The following SDHD variants were observed in gnomAD, a reference collection of about 807,000 sequenced individuals.
The protein encoded by SDHD is succinate dehydrogenase complex subunit D.
A neutral mutation model predicts 18.7 loss-of-function variants in SDHD; 6 were observed. That is an observed-to-expected ratio of 0.32 (90% CI 0.18 to 0.63). SDHD has a LOEUF of 0.63. SDHD is among the 30% of genes least tolerant of loss of function. The pLI is 0.79. For missense variants in SDHD, 160 were observed against 192.7 expected (o/e 0.83, Z 1.00); for synonymous variants, 56 against 73.9 (o/e 0.76, Z 1.24).
chr11:112,089,045 T>G, intron 3 of SDHD, 34 bp downstream of exon 3: 1 of 1,613,028 alleles, frequency 6.2e-7, no homozygotes, highest in South Asian at 1.1e-5. Context: ...AGTTGTCTGC[T>G]CAGTTTGTTT....
At chr11:112,088,843 T>G in intron 2 of SDHD, 24 bp from the exon 3 acceptor site, 1 of 1,612,058 alleles carries the variant, frequency 6.2e-7, no homozygotes, top group Non-Finnish European at 8.5e-7. Context: ...ACATCAACTT[T>G]TATGAATCTG....
chr11:112,092,968 A>G (rs1224386505), intron 3 of SDHD: 5 of 190,036 alleles, frequency 2.6e-5, no homozygotes, highest in Admixed American at 2.5e-4. Context: ...AAATGCTATG[A>G]CATGGATGAA....
chr11:112,089,943 T>TA (rs1040789968), intron 3 of SDHD, among the ~76,000 whole-genome samples: 211 of 144,614 alleles, frequency 1.5e-3, no homozygotes, highest in Middle Eastern at 3.6e-3. Context: ...TCTTGCCTCT[T>TA]AAAAAAAAAA....
intron 1 of SDHD, 137 bp downstream of exon 1, chr11:112,087,096 T>C: frequency 3.2e-6 from 3 of 932,376 alleles, no homozygotes; most frequent in Non-Finnish European, 5.1e-6. Flanking sequence ...ACCACTGTAG[T>C]CTAGGGGTCC....
At chr11:112,088,479 G>A in intron 2 of SDHD, 2 of 348,030 alleles carry the variant, frequency 5.7e-6, no homozygotes, top group South Asian at 4.6e-5. Context: ...GCCTCCCAAA[G>A]TGCTGGGATT....
chr11:112,090,253 C>T (rs1347325801), intron 3 of SDHD, among the ~76,000 whole-genome samples: 6 of 152,110 alleles, frequency 3.9e-5, no homozygotes, highest in Admixed American at 2.6e-4. Context: ...GGATTACAGG[C>T]GTGCACCACC....
At chr11:112,092,391 TC>T (rs1456728594) in intron 3 of SDHD, among the ~76,000 whole-genome samples, 1 of 152,164 alleles carries the variant, frequency 6.6e-6, no homozygotes, top group Non-Finnish European at 1.5e-5. Context: ...AGTTTCCTCT[TC>T]AGTTGTTGCT....
At chr11:112,092,790 C>T (rs540275312) in intron 3 of SDHD, among the ~76,000 whole-genome samples, 1 of 152,114 alleles carries the variant, frequency 6.6e-6, no homozygotes, top group African/African-American at 2.4e-5. Context: ...GAACTGAAAA[C>T]GTGTCCACGC....
In SDHD at chr11:112,095,521, T is replaced by C. The variant is rs1449766895; in HGVS notation, c.*551T>C. 4.3e-6 allele frequency: 1 copy of C among 235,112 alleles called. No homozygotes were observed. The highest frequency in any genetic ancestry group is 8.4e-6 in the Non-Finnish European group (1 of 119,196). The allele number at this position is 235,112 out of a possible 1,614,324, so 14.6% of individuals were successfully genotyped here. A position where few individuals can be genotyped will look rare whatever the true frequency, so the allele number is the denominator to read the frequency against. On this transcript the variant is annotated 3_prime_UTR_variant, in exon 4 of 4. Transcript: ENST00000375549. The stretch of plus-strand genomic sequence containing the variant: ...GCTCATATTATAAATTTCTAAATCC[T>C]AGGAAGAAACGCTTGGAGTGCTTCT...
intron 1 of SDHD, 129 bp downstream of exon 1, chr11:112,087,088 C>CCCTAGAAT: frequency 9.6e-7 from 1 of 1,037,420 alleles, no homozygotes; most frequent in Non-Finnish European, 1.5e-6. Flanking sequence ...CAGCAATGAC[C>CCCTAGAAT]ACTGTAGTCT....
intron 3 of SDHD, 66 bp downstream of exon 3, chr11:112,089,077 T>C: frequency 6.4e-7 from 1 of 1,571,716 alleles, no homozygotes; most frequent in Middle Eastern, 1.7e-4. Flanking sequence ...GTCTTATGTA[T>C]TATATATGAG....
In SDHD at chr11:112,087,991, C is replaced by G; in HGVS notation, c.169+18C>G. On this transcript the variant is annotated intron_variant, in intron 2 of 3. Transcript: ENST00000375549. ...CCACCATTGTATGTTCTCTCCATCG[C>G]TGCTGCTTTCTGGGCTCTAGCCATC... 1 of 1,506,548 alleles carries G rather than the reference C, an allele frequency of 6.6e-7. No homozygotes were observed. Among genetic ancestry groups the G allele is most frequent in the Non-Finnish European group, 9.2e-7 (1 of 1,081,954 alleles). 93.3% of individuals were successfully genotyped at this position (1,506,548 alleles called of 1,614,324 possible).
At chr11:112,088,626 T>C in intron 2 of SDHD, 1 of 574,054 alleles carries the variant, frequency 1.7e-6, no homozygotes, top group Non-Finnish European at 3.1e-6. Flanking sequence ...ATCTGTCTTC[T>C]AATCAATATG....
intron 2 of SDHD, 72 bp from the exon 3 acceptor site, chr11:112,088,795 G>A (rs1158608851): frequency 1.9e-6 from 3 of 1,567,092 alleles, no homozygotes; most frequent in Non-Finnish European, 1.8e-6. Flanking sequence ...TTGGGTTACT[G>A]TGTGGCATAT....
intron 3 of SDHD, among the ~76,000 whole-genome samples, chr11:112,091,883 A>G (rs1865751773): frequency 6.6e-6 from 1 of 152,220 alleles, no homozygotes; most frequent in African/African-American, 2.4e-5. Context: ...CCTGGCCAAT[A>G]TGGTGAAACC....
chr11:112,092,768 G>A (rs1216630117), intron 3 of SDHD, among the ~76,000 whole-genome samples: 5 of 152,160 alleles, frequency 3.3e-5, no homozygotes, highest in African/African-American at 4.8e-5. Flanking sequence ...ACTTTTAGGT[G>A]TATACCCAAG....
chr11:112,088,322 C>T (rs1024542206), intron 2 of SDHD: 4 of 357,776 alleles, frequency 1.1e-5, no homozygotes, highest in Non-Finnish European at 2.2e-5. Context: ...GCCCCTGCCT[C>T]CCGACTAGCT....
Position 112,087,944 on chromosome 11 carries a change from A to G in SDHD, c.140A>G (p.Gln47Arg), listed in dbSNP as rs899706404. 22 of 1,612,112 alleles carry G rather than the reference A, an allele frequency of 1.4e-5. No individual in the cohort carries two copies. Among genetic ancestry groups the G allele is most frequent in the Non-Finnish European group, 1.9e-5 (22 of 1,178,118 alleles). The change falls in exon 2 of 4, where the codon CAG becomes CGG. Residue 47 changes from glutamine (Q) to arginine (R), a missense_variant. Gln to Arg is a conservative substitution (Grantham distance 43, BLOSUM62 1). Coordinates refer to ENST00000375549, the MANE Select transcript of SDHD (RefSeq NM_003002.4). Reference protein sequence around the residue: ...DRPIPEWCGVQHIHLSPSHHS... With the variant: ...DRPIPEWCGVRHIHLSPSHHS... ...CCTATCCCAGAATGGTGTGGAGTGC[A>G]GCACATACACTTGTCACCGAGCCAC...
chr11:112,095,000 A>G lies in SDHD; in HGVS notation c.*30A>G. ...TTTGACTTCATACTTTGAAGAATTG[A>G]TGTATGCCTCTTTGCCTCTGCTTTG... On this transcript the variant is annotated 3_prime_UTR_variant, in exon 4 of 4. Transcript: ENST00000375549. 6.2e-7 allele frequency: 1 copy of G among 1,600,264 alleles called. No individual in the cohort carries two copies. Among genetic ancestry groups the G allele is most frequent in the Admixed American group, 1.7e-5 (1 of 60,018 alleles).
Sources: gnomAD v4.1 joint callset for allele counts (sites outside exome capture counted in the v4.1 genomes callset) on GRCh38, gnomAD v4.1.1 for gene constraint, MANE v1.5 for transcripts, NCBI Gene and HGNC (gene_info 2026-07-23, HGNC 2026-07-21) for gene names.